MARCHF4: variants seen among roughly 807,000 people sequenced by gnomAD.
MARCHF4 encodes membrane associated ring-CH-type finger 4.
In MARCHF4, 14 loss-of-function variants were observed where a neutral mutation model predicts 43.9. The ratio of observed to expected loss-of-function variants is 0.32; its 90% CI spans 0.21 to 0.50. The LOEUF is 0.50. Among genes scored for constraint, MARCHF4 ranks in the 20% least tolerant of loss-of-function variants. MARCHF4 has a pLI of 0.98. For missense variants in MARCHF4, 468 were observed against 536.7 expected (o/e 0.87, Z 1.27); for synonymous variants, 226 against 213.3 (o/e 1.06, Z -0.52).
intron 1 of MARCHF4, among the ~76,000 whole-genome samples, chr2:216,362,886 C>T (rs1485315461): frequency 6.6e-6 from 1 of 152,122 alleles, no homozygotes; most frequent in Non-Finnish European, 1.5e-5. Flanking sequence ...TGGTATGCAG[C>T]TTGGGCCATA....
chr2:216,354,305 T>C (rs539175880), intron 1 of MARCHF4, among the ~76,000 whole-genome samples: 1 of 152,326 alleles, frequency 6.6e-6, no homozygotes, highest in East Asian at 1.9e-4. Context: ...TAATCTCTTA[T>C]TGCCATATTT....
At chr2:216,328,081 C>T (rs1248298228) in intron 1 of MARCHF4, among the ~76,000 whole-genome samples, 1 of 152,144 alleles carries the variant, frequency 6.6e-6, no homozygotes, top group African/African-American at 2.4e-5. Context: ...GTAGTTCATA[C>T]AGTGCTTTTA....
At chr2:216,335,829 A>G (rs1692148647) in intron 1 of MARCHF4, among the ~76,000 whole-genome samples, 1 of 152,152 alleles carries the variant, frequency 6.6e-6, no homozygotes, top group Non-Finnish European at 1.5e-5. Flanking sequence ...GAACTTTGGG[A>G]AGCCGAGGCA....
chr2:216,308,902 C>T (rs769152571), intron 1 of MARCHF4, among the ~76,000 whole-genome samples: 1 of 152,122 alleles, frequency 6.6e-6, no homozygotes, highest in East Asian at 1.9e-4. Context: ...CTATTCTTTT[C>T]GAAGAAGGGT....
chr2:216,259,810 C>G (rs1246242875), intron 3 of MARCHF4, 131 bp from the exon 4 acceptor site: 1 of 887,266 alleles, frequency 1.1e-6, no homozygotes, highest in African/African-American at 1.7e-5. Flanking sequence ...GGAGGACCAT[C>G]CCTAGATTCC....
At chr2:216,278,419 G>A (rs1286309998) in intron 2 of MARCHF4, among the ~76,000 whole-genome samples, 2 of 152,074 alleles carry the variant, frequency 1.3e-5, no homozygotes, top group Admixed American at 6.5e-5. Flanking sequence ...TAGAGACAGG[G>A]TTTCACTGTG....
chr2:216,279,248 G>T (rs1456792311), intron 2 of MARCHF4, among the ~76,000 whole-genome samples: 1 of 152,220 alleles, frequency 6.6e-6, no homozygotes, highest in Admixed American at 6.5e-5. Context: ...AGAAAGGCCT[G>T]TGCCAGAAGA....
At position 216,258,013 on chromosome 2, in the gene MARCHF4, C is replaced by T. The variant is rs1207364212; in HGVS notation, c.*1299G>A. 1 of 152,150 alleles carries T rather than the reference C, an allele frequency of 6.6e-6. No individual in the cohort carries two copies. Among genetic ancestry groups the T allele is most frequent in the Non-Finnish European group, 1.5e-5 (1 of 68,054 alleles). 9.4% of individuals were successfully genotyped at this position (152,150 alleles called of 1,614,324 possible). On this transcript the variant is annotated 3_prime_UTR_variant, in exon 4 of 4. Coordinates refer to ENST00000273067, the MANE Select transcript of MARCHF4 (RefSeq NM_020814.3). ...TGACGCGACCACTGTGCAGTGACAA[C>T]CAGAAACTTTGCAGGTGAACACCCA...
intron 1 of MARCHF4, among the ~76,000 whole-genome samples, chr2:216,331,302 T>C (rs191180528): frequency 1.3e-5 from 2 of 151,858 alleles, no homozygotes; most frequent in Admixed American, 6.6e-5. Flanking sequence ...AAAAAAACAA[T>C]TAAAAAATAA....
intron 1 of MARCHF4, among the ~76,000 whole-genome samples, chr2:216,361,032 C>T (rs1402853482): frequency 6.6e-6 from 1 of 151,994 alleles, no homozygotes; most frequent in Admixed American, 6.6e-5. Flanking sequence ...GAACTCTGTA[C>T]TTTCTGTTCA....
At chr2:216,366,151 T>C (rs1018237514) in intron 1 of MARCHF4, among the ~76,000 whole-genome samples, 25 of 152,248 alleles carry the variant, frequency 1.6e-4, no homozygotes, top group Non-Finnish European at 2.8e-4. Context: ...ATTGACTGAT[T>C]TGATGCTCAG....
intron 1 of MARCHF4, among the ~76,000 whole-genome samples, chr2:216,337,772 A>C (rs1002071082): frequency 6.6e-6 from 1 of 152,002 alleles, no homozygotes; most frequent in African/African-American, 2.4e-5. Flanking sequence ...AGAAATTCAT[A>C]CCCCACGAAC....
chr2:216,365,121 C>T (rs898446623), intron 1 of MARCHF4, among the ~76,000 whole-genome samples: 3 of 152,178 alleles, frequency 2.0e-5, no homozygotes, highest in African/African-American at 4.8e-5. Flanking sequence ...CCATTTAAGT[C>T]TCTTCTAAAA....
intron 1 of MARCHF4, among the ~76,000 whole-genome samples, chr2:216,348,378 A>G (rs935444361): frequency 1.3e-5 from 2 of 152,164 alleles, no homozygotes; most frequent in Non-Finnish European, 2.9e-5. Flanking sequence ...ATAGGAAGTC[A>G]GCACAAGATA....
intron 1 of MARCHF4, among the ~76,000 whole-genome samples, chr2:216,362,419 T>C (rs1356627369): frequency 6.6e-6 from 1 of 152,248 alleles, no homozygotes; most frequent in African/African-American, 2.4e-5. Flanking sequence ...TGCAGAGCCC[T>C]ATGCTAGCCA....
chr2:216,304,759 G>A (rs765030406), intron 1 of MARCHF4, among the ~76,000 whole-genome samples: 12 of 152,092 alleles, frequency 7.9e-5, no homozygotes, highest in Non-Finnish European at 1.6e-4. Flanking sequence ...TTTGAGACCA[G>A]CCTGGCTAAC....
In MARCHF4 at chr2:216,354,983, CTTTTT is replaced by C. The variant is rs768164940; in HGVS notation, c.516+14757_516+14761del. On this transcript the variant is annotated intron_variant, in intron 1 of 3. Coordinates refer to ENST00000273067, the MANE Select transcript of MARCHF4 (RefSeq NM_020814.3). ...TCTTTCTTTCTTTCTTTCTTTCTTT[CTTTTT>C]TGAGACAGAGTCTAACTTTGTCACC... 7.5e-4 allele frequency among the ~76,000 whole-genome samples: 73 copies of C among 96,916 alleles called. 1 individual carries two copies. The highest frequency in any genetic ancestry group is 1.0e-3 in the Non-Finnish European group (48 of 48,080). The allele number at this position is 96,916 out of a possible 152,430, so 63.6% of individuals were successfully genotyped here. A position where few individuals can be genotyped will look rare whatever the true frequency, so the allele number is the denominator to read the frequency against.
intron 1 of MARCHF4, among the ~76,000 whole-genome samples, chr2:216,316,022 G>A (rs1314757273): frequency 1.3e-5 from 2 of 152,140 alleles, no homozygotes; most frequent in Admixed American, 1.3e-4. Context: ...TCTATCCCTG[G>A]TTTAGACACA....
intron 1 of MARCHF4, among the ~76,000 whole-genome samples, chr2:216,332,019 G>A (rs980327087): frequency 2.6e-5 from 4 of 152,128 alleles, no homozygotes; most frequent in Non-Finnish European, 5.9e-5. Context: ...GAATTGGAAA[G>A]AAAAGAATAA....
Sources: gnomAD v4.1 joint callset for allele counts (sites outside exome capture counted in the v4.1 genomes callset) on GRCh38, gnomAD v4.1.1 for gene constraint, MANE v1.5 for transcripts, NCBI Gene and HGNC (gene_info 2026-07-23, HGNC 2026-07-21) for gene names.